The following ZC3H12B variants were observed in gnomAD, a reference collection of about 807,000 sequenced individuals.
The protein encoded by ZC3H12B is zinc finger CCCH-type containing 12B.
Under a neutral mutation model 43.9 loss-of-function variants are expected in ZC3H12B, and 7 were observed. The observed-to-expected ratio is 0.16, with a 90% confidence interval of 0.09 to 0.30. ZC3H12B has a LOEUF of 0.30. Among genes scored for constraint, ZC3H12B ranks in the 10% least tolerant of loss-of-function variants. The probability of loss-of-function intolerance (pLI) is 1.00; values close to 1 mark genes in which losing one functional copy is unlikely to be tolerated. For synonymous variants in ZC3H12B, 222 were observed against 241.7 expected (o/e 0.92, Z 0.76); for missense variants, 475 against 670.2 (o/e 0.71, Z 3.22).
chrX:65,216,768 C>A, the ZC3H12B span, among the ~76,000 whole-genome samples: 1 of 111,934 alleles, frequency 8.9e-6, no homozygotes, highest in African/African-American at 3.2e-5. Context: ...CTAGCTGAGC[C>A]ATGCTAAAAA....
chrX:65,487,520 A>G (rs2068140524), upstream of ZC3H12B, among the ~76,000 whole-genome samples: 1 of 111,072 alleles, frequency 9.0e-6, no homozygotes, highest in Non-Finnish European at 1.9e-5. Context: ...AGCCTGGGCA[A>G]CAGAGCAAGA....
At chrX:65,376,235 T>C (rs776995211) in intron 2 of ZC3H12B, among the ~76,000 whole-genome samples, 3 of 112,257 alleles carry the variant, frequency 2.7e-5, no homozygotes, top group Admixed American at 1.9e-4. Context: ...AAGCATCTCA[T>C]TGAGCACCAA....
chrX:65,412,183 T>C (rs979967366), intron 3 of ZC3H12B, among the ~76,000 whole-genome samples: 10 of 111,669 alleles, frequency 9.0e-5, no homozygotes, highest in African/African-American at 2.9e-4. Flanking sequence ...CACCAATCTA[T>C]GTTCTGTCGC....
intron 1 of ZC3H12B, among the ~76,000 whole-genome samples, chrX:65,495,924 C>T (rs892710031): frequency 2.7e-5 from 3 of 110,864 alleles, no homozygotes; most frequent in Non-Finnish European, 5.7e-5. Context: ...CGAGGCTGGT[C>T]GCAAATTCCT....
intron 3 of ZC3H12B, among the ~76,000 whole-genome samples, chrX:65,407,370 G>C (rs1047418337): frequency 4.4e-5 from 5 of 112,387 alleles, no homozygotes; most frequent in Admixed American, 1.8e-4. Flanking sequence ...CTGGTCGCAC[G>C]GGGCGTGCCG....
the ZC3H12B span, among the ~76,000 whole-genome samples, chrX:65,241,773 T>A: frequency 8.9e-6 from 1 of 111,771 alleles, no homozygotes; most frequent in South Asian, 3.8e-4. Flanking sequence ...AATCTAGTGG[T>A]TCTTAACTTG....
chrX:65,360,674 T>A, the ZC3H12B span, among the ~76,000 whole-genome samples: 1 of 112,525 alleles, frequency 8.9e-6, no homozygotes, highest in Non-Finnish European at 1.9e-5. Flanking sequence ...ACCATATGGA[T>A]CAGTCATTTC....
chrX:65,304,432 C>T, the ZC3H12B span, among the ~76,000 whole-genome samples: 2 of 110,883 alleles, frequency 1.8e-5, no homozygotes, highest in African/African-American at 3.3e-5. Context: ...CTGGCTAACA[C>T]GGTGAAACCT....
chrX:65,373,984 C>CTGTATATATAG (rs2066298682), intron 2 of ZC3H12B, among the ~76,000 whole-genome samples: 1 of 6,128 alleles, frequency 1.6e-4, no homozygotes, highest in Non-Finnish European at 3.9e-4. Flanking sequence ...TATATATATA[C>CTGTATATATAG]TATATATATA....
chrX:65,051,944 C>T, the ZC3H12B span, among the ~76,000 whole-genome samples: 1 of 110,367 alleles, frequency 9.1e-6, no homozygotes, highest in Non-Finnish European at 1.9e-5. Context: ...TCTTGGTCTG[C>T]TTATAAATCT....
the ZC3H12B span, among the ~76,000 whole-genome samples, chrX:65,114,081 T>C: frequency 1.0e-5 from 1 of 98,440 alleles, no homozygotes; most frequent in Non-Finnish European, 2.1e-5. Context: ...TGTTTGAATA[T>C]TGAGCAAGTC....
chrX:65,356,933 C>T, the ZC3H12B span: 1 of 424,500 alleles, frequency 2.4e-6, no homozygotes, highest in South Asian at 2.7e-5. Flanking sequence ...ACATGCTAAA[C>T]TCCCACAGGC....
At chrX:65,329,909 T>A in the ZC3H12B span, among the ~76,000 whole-genome samples, 1 of 111,508 alleles carries the variant, frequency 9.0e-6, no homozygotes, top group Non-Finnish European at 1.9e-5. Context: ...TTGGTCTATA[T>A]CTCTGTTTTG....
chrX:65,329,238 A>T, the ZC3H12B span, among the ~76,000 whole-genome samples: 1 of 111,298 alleles, frequency 9.0e-6, no homozygotes, highest in African/African-American at 3.3e-5. Flanking sequence ...AATGATTGCC[A>T]TTCTAAATGG....
chrX:65,347,004 C>T, the ZC3H12B span, among the ~76,000 whole-genome samples: 2 of 112,169 alleles, frequency 1.8e-5, no homozygotes, highest in East Asian at 5.6e-4. Flanking sequence ...TGTATTCTGA[C>T]TAGGAGATAC....
At chrX:65,114,114 A>T in the ZC3H12B span, among the ~76,000 whole-genome samples, 1 of 101,572 alleles carries the variant, frequency 9.8e-6, no homozygotes, top group African/African-American at 3.4e-5. Flanking sequence ...AATGAAGCCC[A>T]GTAGGTCATG....
the ZC3H12B span, among the ~76,000 whole-genome samples, chrX:65,211,536 A>G: frequency 9.6e-6 from 1 of 104,438 alleles, no homozygotes; most frequent in Admixed American, 1.1e-4. Context: ...AAACAGAGAA[A>G]CTAAACTCCA....
At chrX:65,444,528 A>G (rs2067349882) in intron 3 of ZC3H12B, among the ~76,000 whole-genome samples, 1 of 112,488 alleles carries the variant, frequency 8.9e-6, no homozygotes, top group African/African-American at 3.2e-5. Context: ...GGAACTCCCT[A>G]GCCATGTGGA....
At chrX:65,154,019 G>T in the ZC3H12B span, among the ~76,000 whole-genome samples, 6 of 110,735 alleles carry the variant, frequency 5.4e-5, no homozygotes, top group Non-Finnish European at 1.1e-4. Flanking sequence ...TCATAGGTGG[G>T]AATTGAACAA....
Sources: allele counts gnomAD v4.1 joint callset (sites outside exome capture counted in the v4.1 genomes callset), GRCh38; gene constraint gnomAD v4.1.1; transcripts MANE v1.5; gene names NCBI Gene and HGNC (gene_info 2026-07-23, HGNC 2026-07-21).